Variants in GPR158 observed in about 807,000 individuals in gnomAD.
The protein encoded by GPR158 is metabotropic glycine receptor.
Under a neutral mutation model 78.2 loss-of-function variants are expected in GPR158, and 30 were observed. The ratio of observed to expected loss-of-function variants is 0.38; its 90% CI spans 0.29 to 0.52. The LOEUF is 0.52. GPR158 is among the 20% of genes least tolerant of loss of function. The probability of loss-of-function intolerance (pLI) is 0.83; values close to 1 mark genes in which losing one functional copy is unlikely to be tolerated. For synonymous variants in GPR158, 581 were observed against 591.1 expected (o/e 0.98, Z 0.25); for missense variants, 1,463 against 1,523.5 (o/e 0.96, Z 0.66).
At chr10:25,219,647 C>T (rs1410798949) in intron 1 of GPR158, among the ~76,000 whole-genome samples, 1 of 152,138 alleles carries the variant, frequency 6.6e-6, no homozygotes, top group Non-Finnish European at 1.5e-5. Flanking sequence ...CATGTAGGCA[C>T]TAGGTAATGT....
At chr10:25,559,546 A>G (rs957713728) in intron 6 of GPR158, among the ~76,000 whole-genome samples, 2 of 152,214 alleles carry the variant, frequency 1.3e-5, no homozygotes, top group African/African-American at 4.8e-5. Flanking sequence ...TATAATAAAG[A>G]AATAATGATT....
intron 2 of GPR158, among the ~76,000 whole-genome samples, chr10:25,265,886 T>A (rs1447443466): frequency 2.0e-5 from 3 of 152,170 alleles, no homozygotes; most frequent in African/African-American, 4.8e-5. Flanking sequence ...GCTTGAGTGT[T>A]ATTTTCAAAA....
intron 2 of GPR158, among the ~76,000 whole-genome samples, chr10:25,314,276 T>C (rs1217986075): frequency 6.6e-6 from 1 of 152,084 alleles, no homozygotes. Context: ...AATTTTTGTA[T>C]TTTTAATAGA....
At chr10:25,355,191 A>G (rs1446674872) in intron 2 of GPR158, among the ~76,000 whole-genome samples, 1 of 151,634 alleles carries the variant, frequency 6.6e-6, no homozygotes, top group Non-Finnish European at 1.5e-5. Flanking sequence ...TAATTCTAGC[A>G]TTGGTCTTTA....
rs111493310 is a variant in GPR158 at position 25,243,758 on chromosome 10, A to G, written c.1008+22601A>G. ...ATTGTGTCCCTAGTACCAGCCAGAG[A>G]TATGATGCCTGAACTAAAATGAGTA... On this transcript the variant is annotated intron_variant, in intron 2 of 10. Coordinates refer to ENST00000376351, the MANE Select transcript of GPR158 (RefSeq NM_020752.3). 8.8e-4 allele frequency among the ~76,000 whole-genome samples: 134 copies of G among 152,284 alleles called. 3 individuals are homozygous for G. Among genetic ancestry groups the G allele is most frequent in the African/African-American group, 3.1e-3 (129 of 41,566 alleles).
chr10:25,317,731 G>T (rs900565740), intron 2 of GPR158, among the ~76,000 whole-genome samples: 10,827 of 112,246 alleles, frequency 0.096, 829 homozygotes, highest in African/African-American at 0.27. Flanking sequence ...TTTTTGTTTT[G>T]TTTTGTTTTG....
intron 5 of GPR158, among the ~76,000 whole-genome samples, chr10:25,520,728 C>T (rs906956145): frequency 1.3e-5 from 2 of 152,096 alleles, no homozygotes; most frequent in South Asian, 2.1e-4. Context: ...GCAGTCTGCC[C>T]GTTCTCAGAT....
chr10:25,274,203 C>T (rs536999888), intron 2 of GPR158, among the ~76,000 whole-genome samples: 3 of 152,228 alleles, frequency 2.0e-5, no homozygotes, highest in African/African-American at 7.2e-5. Context: ...TCTTTCTAAA[C>T]ATTTGTCTTT....
chr10:25,424,665 G>C (rs543892173), intron 4 of GPR158, among the ~76,000 whole-genome samples: 15 of 151,390 alleles, frequency 9.9e-5, no homozygotes, highest in Middle Eastern at 3.4e-3. Context: ...TCTTGTTTTT[G>C]TCAGGTTTGT....
intron 6 of GPR158, among the ~76,000 whole-genome samples, chr10:25,571,697 G>A (rs1249127183): frequency 6.6e-6 from 1 of 152,094 alleles, no homozygotes; most frequent in African/African-American, 2.4e-5. Flanking sequence ...ATTGAAGAAT[G>A]GGTAGAGAAT....
intron 3 of GPR158, among the ~76,000 whole-genome samples, chr10:25,411,934 A>C (rs901087297): frequency 1.3e-4 from 1 of 7,830 alleles, no homozygotes; most frequent in African/African-American, 8.9e-4. Flanking sequence ...ACTCTATCAC[A>C]AAAAAAAAAA....
chr10:25,534,611 G>A (rs977685528), intron 5 of GPR158, among the ~76,000 whole-genome samples: 5 of 151,502 alleles, frequency 3.3e-5, no homozygotes, highest in Non-Finnish European at 7.4e-5. Flanking sequence ...AAAATTAGCT[G>A]GGTGTGGTGG....
chr10:25,324,964 G>A lies in GPR158; in HGVS notation c.1009-70947G>A, dbSNP rs142687359. Among the ~76,000 whole-genome samples the A allele has an allele frequency of 1.5e-3, 229 of 150,338 alleles. 1 individual carries two copies. The highest frequency in any genetic ancestry group is 0.011 in the Middle Eastern group (3 of 284). Reference sequence around the variant, plus strand: ...AGCAATCCTCCTGCCTCAACTTCCCGAGTAGCTGGGACTATAGGTGCCCAT... The same window carrying A: ...AGCAATCCTCCTGCCTCAACTTCCCAAGTAGCTGGGACTATAGGTGCCCAT... On this transcript the variant is annotated intron_variant, in intron 2 of 10. Transcript: ENST00000376351.
chr10:25,326,224 C>T (rs780807030), intron 2 of GPR158, among the ~76,000 whole-genome samples: 3 of 152,074 alleles, frequency 2.0e-5, no homozygotes, highest in Admixed American at 6.5e-5. Context: ...TCTGTTCCTG[C>T]GTTAGTTTGC....
intron 5 of GPR158, among the ~76,000 whole-genome samples, chr10:25,486,823 G>A (rs200488001): frequency 6.5e-5 from 8 of 123,646 alleles, no homozygotes; most frequent in Non-Finnish European, 1.4e-4. Flanking sequence ...ATTTTTTTTT[G>A]GTAAAATACA....
At chr10:25,470,665 G>A (rs1835487763) in intron 5 of GPR158, among the ~76,000 whole-genome samples, 1 of 152,150 alleles carries the variant, frequency 6.6e-6, no homozygotes, top group Non-Finnish European at 1.5e-5. Context: ...TAAAGACTGA[G>A]TGTTTATTGT....
At chr10:25,222,959 G>C (rs572032194) in intron 2 of GPR158, among the ~76,000 whole-genome samples, 3 of 152,066 alleles carry the variant, frequency 2.0e-5, no homozygotes, top group Admixed American at 1.3e-4. Flanking sequence ...TTGACTAGAT[G>C]GTCATACTGA....
chr10:25,372,104 A>G (rs1004247133), intron 2 of GPR158, among the ~76,000 whole-genome samples: 154 of 151,328 alleles, frequency 1.0e-3, no homozygotes, highest in African/African-American at 3.5e-3. Flanking sequence ...ACACATGAAA[A>G]AAATGCTCAT....
At position 25,358,846 on chromosome 10, in the gene GPR158, C is replaced by G. The variant is rs370662991; in HGVS notation, c.1009-37065C>G. The stretch of plus-strand genomic sequence containing the variant: ...AGAATATACTTACATAACTTTAATT[C>G]TTTTTAATTGTTTGAGACTTGTTTT... On this transcript the variant is annotated intron_variant, in intron 2 of 10. Coordinates refer to ENST00000376351, the MANE Select transcript of GPR158 (RefSeq NM_020752.3). 2.2e-4 allele frequency among the ~76,000 whole-genome samples: 34 copies of G among 152,024 alleles called. No homozygotes were observed. The South Asian group carries it at 2.3e-3, about 10-fold the overall frequency.
Sources: gnomAD v4.1 joint callset for allele counts (sites outside exome capture counted in the v4.1 genomes callset) on GRCh38, gnomAD v4.1.1 for gene constraint, MANE v1.5 for transcripts, NCBI Gene and HGNC (gene_info 2026-07-23, HGNC 2026-07-21) for gene names.